The following EDRF1 variants were observed in gnomAD, a reference collection of about 807,000 sequenced individuals.
EDRF1 encodes the protein erythroid differentiation-related factor 1.
Under a neutral mutation model 148.7 loss-of-function variants are expected in EDRF1, and 69 were observed. The ratio of observed to expected loss-of-function variants is 0.46; its 90% CI spans 0.38 to 0.57. EDRF1 has a LOEUF of 0.57. Ranked by LOEUF, EDRF1 falls within the 20% of genes least tolerant of loss-of-function variation. EDRF1 has a pLI of 0.00. For missense variants in EDRF1, 1,118 were observed against 1,478.7 expected (o/e 0.76, Z 4.00); for synonymous variants, 515 against 532.8 (o/e 0.97, Z 0.46).
intron 16 of EDRF1, among the ~76,000 whole-genome samples, 171 bp from the exon 17 acceptor site, chr10:125,740,830 C>G (rs1254590544): frequency 1.3e-5 from 2 of 152,166 alleles, no homozygotes; most frequent in Admixed American, 6.5e-5. Context: ...TTTAACATCT[C>G]TTTGCTTTGA....
chr10:125,728,909 T>C, intron 6 of EDRF1, 94 bp from the exon 7 acceptor site: 3 of 934,272 alleles, frequency 3.2e-6, no homozygotes, highest in Non-Finnish European at 4.7e-6. Context: ...ATTTGAAGTG[T>C]GTGCTTTGAA....
At chr10:125,756,915 C>T (rs1308090649) in intron 24 of EDRF1, 1 of 401,030 alleles carries the variant, frequency 2.5e-6, no homozygotes, top group South Asian at 1.9e-5. Flanking sequence ...TGGGCTCAAG[C>T]AATCCCCCAC....
At chr10:125,722,179 A>AT (rs768079028) in intron 2 of EDRF1, among the ~76,000 whole-genome samples, 14 of 152,234 alleles carry the variant, frequency 9.2e-5, no homozygotes, top group Non-Finnish European at 1.9e-4. Context: ...CCCAAATATC[A>AT]TTTTTTAAAA....
intron 5 of EDRF1, 76 bp from the exon 6 acceptor site, chr10:125,725,606 T>G: frequency 6.3e-7 from 1 of 1,595,506 alleles, no homozygotes; most frequent in Non-Finnish European, 8.6e-7. Flanking sequence ...CAGATTGTAG[T>G]TTTTATAAAC....
chr10:125,748,026 A>C lies in EDRF1; in HGVS notation c.3123+14A>C. 1 of 1,614,088 alleles carries C rather than the reference A, an allele frequency of 6.2e-7. No homozygotes were observed. The highest frequency in any genetic ancestry group is 1.6e-4 in the Middle Eastern group (1 of 6,062). On this transcript the variant is annotated intron_variant, in intron 21 of 24. Coordinates refer to ENST00000356792, the MANE Select transcript of EDRF1 (RefSeq NM_001202438.2). ...CTGAGGAATCAGGTATTGTCAGTCCAAGTTAAGTACAGTGCCACATCAGTT... is the reference window on the plus strand; with the variant it reads ...CTGAGGAATCAGGTATTGTCAGTCCCAGTTAAGTACAGTGCCACATCAGTT...
At chr10:125,758,164 T>A (rs887163688) in intron 24 of EDRF1, among the ~76,000 whole-genome samples, 1 of 152,244 alleles carries the variant, frequency 6.6e-6, no homozygotes, top group African/African-American at 2.4e-5. Context: ...TGTTACAATG[T>A]TCCTTATTTC....
chr10:125,727,989 G>C (rs1256758072), intron 6 of EDRF1, among the ~76,000 whole-genome samples: 2 of 152,000 alleles, frequency 1.3e-5, no homozygotes, highest in Non-Finnish European at 2.9e-5. Flanking sequence ...TTGAGGCCCG[G>C]AGTTAGAGAC....
In EDRF1 at chr10:125,764,060, A is replaced by AC. The variant is rs1384333270; in HGVS notation, c.*592dup. ...TGACAGTTGATCAAGAACAGGTACT[A>AC]CCCCTTTTTTTCATTTCAAACTTGA... On this transcript the variant is annotated 3_prime_UTR_variant, in exon 25 of 25. Coordinates refer to ENST00000356792, the MANE Select transcript of EDRF1 (RefSeq NM_001202438.2). The AC allele has an allele frequency of 6.5e-6, 1 of 152,800 alleles. No individual in the cohort carries two copies. The allele number at this position is 152,800 out of a possible 1,614,324, so 9.5% of individuals were successfully genotyped here.
chr10:125,753,752 A>T lies in EDRF1; in HGVS notation c.3452A>T (p.Glu1151Val). Residue 1151 changes from glutamate to valine, a missense_variant, in exon 24 of 25, where the codon GAA becomes GTA. Glu to Val is a moderately radical substitution (Grantham distance 121). Around this residue, in one of 3 missense-constraint regions of EDRF1, gnomAD observed 954 missense variants for 1,241.4 expected, o/e 0.77. Transcript: ENST00000356792. ...GCTTCTCCTAGTCTCAATCGAGAAG[A>T]AGTGATGAAACTCCTCAGTATATTT... The part of the protein sequence containing the change: ...ADASPSLNRE[E>V]VMKLLSIFES... The T allele has an allele frequency of 6.2e-7, 1 of 1,614,032 alleles. No homozygotes were observed. Among genetic ancestry groups the T allele is most frequent in the South Asian group, 1.1e-5 (1 of 91,044 alleles).
intron 24 of EDRF1, among the ~76,000 whole-genome samples, chr10:125,755,764 T>C (rs1206953757): frequency 6.6e-6 from 1 of 152,226 alleles, no homozygotes; most frequent in Admixed American, 6.5e-5. Flanking sequence ...GTATCCCTTA[T>C]TATCCTTTTA....
In EDRF1 at chr10:125,763,303, A is replaced by G. The variant is rs1367157748; in HGVS notation, c.3548A>G (p.Asn1183Ser). 7.4e-6 allele frequency: 12 copies of G among 1,612,370 alleles called. No homozygotes were observed. The highest frequency in any genetic ancestry group is 3.3e-5 in the South Asian group (3 of 91,076). The change falls in exon 25 of 25, where the codon AAT (asparagine) becomes AGT (serine). Residue 1183 changes from asparagine (N) to serine (S), a missense_variant and splice_region_variant. Around this residue, in one of 3 missense-constraint regions of EDRF1, gnomAD observed 954 missense variants for 1,241.4 expected, o/e 0.77. Coordinates refer to ENST00000356792, the MANE Select transcript of EDRF1 (RefSeq NM_001202438.2). The surrounding 1 kb of genome is among the most constrained non-coding windows in gnomAD (Gnocchi z 4.3). The stretch of plus-strand genomic sequence containing the variant: ...CTCTTTTTCTTTTTTAACCCTAGCA[A>G]TAACATCGAAGATGACACAATTCTC... Reference protein sequence around the residue: ...LLSSTKKKTSNNIEDDTILKT... With the variant: ...LLSSTKKKTSSNIEDDTILKT...
intron 4 of EDRF1, among the ~76,000 whole-genome samples, 158 bp downstream of exon 4, chr10:125,724,094 G>A (rs529928885): frequency 2.0e-5 from 3 of 152,042 alleles, no homozygotes; most frequent in Admixed American, 6.5e-5. Context: ...CTTGAATGAA[G>A]AAAAAAGAAG....
At position 125,721,228 on chromosome 10, in the gene EDRF1, A is replaced by C; in HGVS notation, c.133A>C (p.Asn45His). 2 of 1,614,160 alleles carry C rather than the reference A, an allele frequency of 1.2e-6. No individual in the cohort carries two copies. Among genetic ancestry groups the C allele is most frequent in the Non-Finnish European group, 8.5e-7 (1 of 1,180,034 alleles). Residue 45 changes from asparagine (N) to histidine (H), a missense_variant, in exon 2 of 25, where the codon AAT (asparagine) becomes CAT (histidine). Transcript: ENST00000356792. ...GGGATCAGCTTTATTTCTTGGAGGC[A>C]ATGAAGTGAAGAGCCGAGCTGTGGT... is the stretch of plus-strand genomic sequence containing the variant. ...AQGSALFLGG[N>H]EVKSRAVVKY...
At chr10:125,742,290 G>T in intron 17 of EDRF1, 1 of 1,287,502 alleles carries the variant, frequency 7.8e-7, no homozygotes, top group Non-Finnish European at 1.0e-6. Context: ...TCAGCACAGT[G>T]TGTAACCACG....
intron 2 of EDRF1, 39 bp from the exon 3 acceptor site, chr10:125,723,029 C>T: frequency 1.4e-6 from 2 of 1,469,954 alleles, no homozygotes; most frequent in African/African-American, 2.8e-5. Context: ...TGATTATGAG[C>T]ATGACCTCAT....
intron 24 of EDRF1, among the ~76,000 whole-genome samples, chr10:125,754,409 T>G (rs1232279815): frequency 2.0e-5 from 3 of 152,226 alleles, no homozygotes; most frequent in Non-Finnish European, 4.4e-5. Context: ...TACTCTGTTG[T>G]TAACGTTTTC....
At chr10:125,749,365 A>C (rs1849532410) in intron 21 of EDRF1, 47 bp from the exon 22 acceptor site, 1 of 1,612,618 alleles carries the variant, frequency 6.2e-7, no homozygotes, top group South Asian at 1.1e-5. Flanking sequence ...GTGAAGCCTG[A>C]AGTAGTTACC....
intron 17 of EDRF1, chr10:125,742,647 C>T: frequency 1.0e-6 from 1 of 985,280 alleles, no homozygotes; most frequent in Non-Finnish European, 1.2e-6. Context: ...CATTTTTAAT[C>T]TTCGAGGGCT....
At chr10:125,754,861 T>C (rs980531870) in intron 24 of EDRF1, among the ~76,000 whole-genome samples, 4 of 152,228 alleles carry the variant, frequency 2.6e-5, no homozygotes, top group African/African-American at 9.6e-5. Flanking sequence ...ATTTTACCGA[T>C]GTATAATCTT....
Sources: allele counts gnomAD v4.1 joint callset (sites outside exome capture counted in the v4.1 genomes callset), GRCh38; gene constraint gnomAD v4.1.1; regional missense constraint gnomAD v4.1.1; non-coding constraint Gnocchi (gnomAD v3.1); transcripts MANE v1.5; gene names NCBI Gene and HGNC (gene_info 2026-07-23, HGNC 2026-07-21).